ILDR2: variants seen among roughly 807,000 people sequenced by gnomAD.
ILDR2 encodes immunoglobulin like domain containing receptor 2.
ILDR2 carries 25 observed loss-of-function variants against 66.8 expected under a neutral mutation model. The ratio of observed to expected loss-of-function variants is 0.37; its 90% CI spans 0.27 to 0.52. The LOEUF (loss-of-function observed/expected upper bound fraction) is 0.52, where lower values mean the gene tolerates loss of function less well. Among genes scored for constraint, ILDR2 ranks in the 20% least tolerant of loss-of-function variants. The pLI, the probability that ILDR2 is intolerant of heterozygous loss-of-function variation, is 0.88. For synonymous variants in ILDR2, 367 were observed against 357.2 expected (o/e 1.03, Z -0.31); for missense variants, 827 against 876.8 (o/e 0.94, Z 0.72).
chr1:166,901,321 T>C lies in ILDR2; in HGVS notation n.172-5220A>G, dbSNP rs1373936915. ...CCCCATCAACCTTACAATCACTAGG[T>C]CCCTCGGGGTTATTACAAACATTAA... On this transcript the variant is annotated intron_variant and non_coding_transcript_variant, in intron 2 of 2. Coordinates refer to the ILDR2 transcript ENST00000414590. 5.3e-5 allele frequency among the ~76,000 whole-genome samples: 8 copies of C among 152,286 alleles called. No individual in the cohort carries two copies. In the East Asian group the frequency reaches 1.5e-3, roughly 29 times the overall value.
chr1:166,939,400 A>C (rs1444763293), intron 4 of ILDR2, 114 bp downstream of exon 4: 3 of 839,956 alleles, frequency 3.6e-6, no homozygotes, highest in Non-Finnish European at 6.1e-6. Flanking sequence ...AAAAGATCAG[A>C]GACATATAGA....
chr1:166,918,705 G>A lies in ILDR2; in HGVS notation c.*650C>T, dbSNP rs1267597742. ...ACCACTTAGACAGCTTTTCAAAAAG[G>A]TATACTCGCTTTTGCTTTGTCCTAG... On this transcript the variant is annotated 3_prime_UTR_variant, in exon 10 of 10. Coordinates refer to ENST00000271417, the MANE Select transcript of ILDR2 (RefSeq NM_199351.3). 1 of 152,600 alleles carries A rather than the reference G, an allele frequency of 6.6e-6. No homozygotes were observed. The highest frequency in any genetic ancestry group is 2.1e-4 in the South Asian group (1 of 4,828). The allele number at this position is 152,600 out of a possible 1,614,324, so 9.5% of individuals were successfully genotyped here.
intron 3 of ILDR2, among the ~76,000 whole-genome samples, chr1:166,943,440 C>T (rs558236884): frequency 8.2e-5 from 12 of 146,740 alleles, no homozygotes; most frequent in Middle Eastern, 3.6e-3. Context: ...TGCAGTGAGC[C>T]GAGATTGCAC....
intron 2 of ILDR2, among the ~76,000 whole-genome samples, chr1:166,897,186 T>A (rs184755184): frequency 6.6e-6 from 1 of 151,954 alleles, no homozygotes; most frequent in Non-Finnish European, 1.5e-5. Context: ...TAGTCCACAT[T>A]AGAGCTAATA....
Position 166,936,563 on chromosome 1 carries a change from C to G in ILDR2, c.703+28G>C, listed in dbSNP as rs1387205777. Reference sequence around the variant, plus strand: ...GAGGTAGACATTTCTCTCGATCGCTCTGTCTCCCCAGCGGTCACTGTACTC... The same window carrying G: ...GAGGTAGACATTTCTCTCGATCGCTGTGTCTCCCCAGCGGTCACTGTACTC... On this transcript the variant is annotated intron_variant, in intron 5 of 9. Transcript: ENST00000271417. This position sits in a 1 kb window ranked among gnomAD's most constrained non-coding sequence, Gnocchi z 5.0. 4 of 1,613,914 alleles carry G rather than the reference C, an allele frequency of 2.5e-6. No homozygotes were observed. The South Asian group carries it at 3.3e-5, about 13-fold the overall frequency.
chr1:166,923,407 G>C (rs1448397304), intron 7 of ILDR2, among the ~76,000 whole-genome samples: 8 of 152,204 alleles, frequency 5.3e-5, no homozygotes, highest in Non-Finnish European at 1.0e-4. Context: ...CCTGTACCTA[G>C]TATCCATATA....
chr1:166,929,383 A>G (rs1660497329), intron 6 of ILDR2, among the ~76,000 whole-genome samples: 1 of 152,200 alleles, frequency 6.6e-6, no homozygotes, highest in Non-Finnish European at 1.5e-5. Context: ...GAATTTTATT[A>G]TGGCCCTTAA....
At chr1:166,960,209 A>G (rs1167819764) in intron 1 of ILDR2, among the ~76,000 whole-genome samples, 1 of 152,260 alleles carries the variant, frequency 6.6e-6, no homozygotes, top group African/African-American at 2.4e-5. Context: ...CTGGAAGCGA[A>G]TACAACAGAG....
intron 1 of ILDR2, among the ~76,000 whole-genome samples, chr1:166,960,299 G>A (rs1425942898): frequency 2.0e-5 from 3 of 152,214 alleles, no homozygotes; most frequent in African/African-American, 7.2e-5. Context: ...ATGAAGAAAT[G>A]TATGAGCAAG....
intron 1 of ILDR2, among the ~76,000 whole-genome samples, chr1:166,974,258 T>C (rs1663468468): frequency 6.6e-6 from 1 of 152,208 alleles, no homozygotes; most frequent in African/African-American, 2.4e-5. Flanking sequence ...TGGTTGCCTC[T>C]GACCCAGTCC....
rs2101819876 is a variant in ILDR2 at position 166,909,570 on chromosome 1, A to G, written c.*9785T>C. 6.6e-6 allele frequency: 1 copy of G among 151,728 alleles called. No individual in the cohort carries two copies. Among genetic ancestry groups the G allele is most frequent in the African/African-American group, 2.4e-5 (1 of 41,396 alleles). 9.4% of individuals were successfully genotyped at this position (151,728 alleles called of 1,614,324 possible). A position where few individuals can be genotyped will look rare whatever the true frequency, so the allele number is the denominator to read the frequency against. ...GAGGCTATCGCCTTGGCCTGAGGGAATGAGAAAAGCTAGGTGCCTAAGTCA... is the reference window on the plus strand; with the variant it reads ...GAGGCTATCGCCTTGGCCTGAGGGAGTGAGAAAAGCTAGGTGCCTAAGTCA... On this transcript the variant is annotated 3_prime_UTR_variant, in exon 10 of 10. Transcript: ENST00000271417.
chr1:166,962,341 C>T (rs978875273), intron 1 of ILDR2, among the ~76,000 whole-genome samples: 6 of 152,146 alleles, frequency 3.9e-5, no homozygotes, highest in Non-Finnish European at 7.4e-5. Flanking sequence ...CCTTGGTATC[C>T]TGATTTGCAA....
In ILDR2 at chr1:166,951,022, T is replaced by A. The variant is rs535868027; in HGVS notation, c.499+5711A>T. The stretch of plus-strand genomic sequence containing the variant: ...ATGGATGAATTCCCCAAAATGTTCA[T>A]GTTTGTTATTTGCCTGCCTGACATT... On this transcript the variant is annotated intron_variant, in intron 3 of 9. Coordinates refer to ENST00000271417, the MANE Select transcript of ILDR2 (RefSeq NM_199351.3). 5.9e-5 allele frequency among the ~76,000 whole-genome samples: 9 copies of A among 152,314 alleles called. No homozygotes were observed. In the South Asian group the frequency reaches 1.7e-3, roughly 28 times the overall value.
intron 1 of ILDR2, among the ~76,000 whole-genome samples, chr1:166,966,392 G>C (rs1409848776): frequency 6.6e-6 from 1 of 152,164 alleles, no homozygotes; most frequent in Admixed American, 6.5e-5. Context: ...AAACATGATA[G>C]TGTTTTCGTA....
intron 1 of ILDR2, among the ~76,000 whole-genome samples, 191 bp downstream of exon 1, chr1:166,975,032 T>TCA (rs1557964517): frequency 4.7e-5 from 6 of 129,002 alleles, no homozygotes; most frequent in African/African-American, 8.0e-5. Flanking sequence ...TCTCTCTCTC[T>TCA]CTCTCACACA....
intron 2 of ILDR2, among the ~76,000 whole-genome samples, chr1:166,899,812 A>T (rs1031710149): frequency 5.9e-5 from 9 of 152,210 alleles, no homozygotes; most frequent in Non-Finnish European, 1.0e-4. Context: ...CTAGGGGAAG[A>T]TGAAGAATTA....
At position 166,935,449 on chromosome 1, in the gene ILDR2, G is replaced by A. The variant is rs1571140726; in HGVS notation, c.732C>T (p.Ala244=). The A allele has an allele frequency of 1.4e-5, 22 of 1,605,694 alleles. No homozygotes were observed. Among genetic ancestry groups the A allele is most frequent in the Middle Eastern group, 1.7e-4 (1 of 6,002 alleles). ...ALYEAGKAAK[A]GYPPSVSGVP... The stretch of plus-strand genomic sequence containing the variant: ...CACCGGAGACAGAGGGAGGGTACCC[G>A]GCCTTTGCTGCTTTCCCTGCTTCAT... The change falls in exon 6 of 10, where the codon GCC becomes GCT. Residue 244 remains alanine (A), a synonymous_variant. Coordinates refer to ENST00000271417, the MANE Select transcript of ILDR2 (RefSeq NM_199351.3).
chr1:166,962,755 A>C (rs987084283), intron 1 of ILDR2, among the ~76,000 whole-genome samples: 1 of 152,156 alleles, frequency 6.6e-6, no homozygotes, highest in Non-Finnish European at 1.5e-5. Context: ...GATGCCAAAA[A>C]CCAGGTACCA....
downstream of ILDR2, among the ~76,000 whole-genome samples, chr1:166,907,358 C>A (rs565382769): frequency 1.3e-5 from 2 of 152,316 alleles, no homozygotes; most frequent in Non-Finnish European, 2.9e-5. Flanking sequence ...TTCCCCATGG[C>A]CTACTGTGAC....
Sources: gnomAD v4.1 joint callset for allele counts (sites outside exome capture counted in the v4.1 genomes callset) on GRCh38, gnomAD v4.1.1 for gene constraint, Gnocchi (gnomAD v3.1) non-coding constraint, MANE v1.5 for transcripts, NCBI Gene and HGNC (gene_info 2026-07-23, HGNC 2026-07-21) for gene names.